NTM: variants seen among roughly 807,000 people sequenced by gnomAD.
NTM encodes the protein IgLON family member 2.
NTM carries 13 observed loss-of-function variants against 42.1 expected under a neutral mutation model. The ratio of observed to expected loss-of-function variants is 0.31; its 90% CI spans 0.20 to 0.49. NTM has a LOEUF of 0.49. Ranked by LOEUF, NTM falls within the 20% of genes least tolerant of loss-of-function variation. The pLI is 0.99. For missense variants in NTM, 373 were observed against 452.8 expected, an observed-to-expected ratio of 0.82 and a Z score of 1.60; for synonymous variants, 187 against 179.2, an observed-to-expected ratio of 1.04 and a Z score of -0.35.
chr11:131,385,820 C>T (rs920479800), intron 1 of NTM, among the ~76,000 whole-genome samples: 4 of 152,128 alleles, frequency 2.6e-5, no homozygotes, highest in Admixed American at 1.3e-4. Flanking sequence ...ATTGCACCAC[C>T]GCACTCCAGC....
intron 1 of NTM, among the ~76,000 whole-genome samples, chr11:131,487,156 C>T (rs1954265832): frequency 6.6e-6 from 1 of 152,164 alleles, no homozygotes; most frequent in Non-Finnish European, 1.5e-5. Flanking sequence ...TCCCTGGGCC[C>T]CTGGAAGCCT....
chr11:131,585,114 C>T (rs1227877388), intron 1 of NTM, among the ~76,000 whole-genome samples: 2 of 152,162 alleles, frequency 1.3e-5, no homozygotes, highest in Admixed American at 6.5e-5. Context: ...AGGAGGAAGA[C>T]GGGGAAGCAG....
At chr11:132,195,473 A>G (rs1248247730) in intron 3 of NTM, among the ~76,000 whole-genome samples, 1 of 145,998 alleles carries the variant, frequency 6.8e-6, no homozygotes, top group Non-Finnish European at 1.5e-5. Context: ...ATAGAACCAA[A>G]AAAAAAAAAG....
chr11:132,130,640 C>T (rs1404472096), intron 2 of NTM, among the ~76,000 whole-genome samples: 1 of 152,184 alleles, frequency 6.6e-6, no homozygotes, highest in Non-Finnish European at 1.5e-5. Context: ...ACACCACTTT[C>T]TAGTCTAATC....
At chr11:132,044,803 A>G (rs565682891) in intron 2 of NTM, among the ~76,000 whole-genome samples, 1 of 152,292 alleles carries the variant, frequency 6.6e-6, no homozygotes, top group African/African-American at 2.4e-5. Flanking sequence ...ATTCCTGGAC[A>G]CAGGCACCCT....
At chr11:131,945,475 GT>G (rs2060244445) in intron 2 of NTM, among the ~76,000 whole-genome samples, 1 of 152,172 alleles carries the variant, frequency 6.6e-6, no homozygotes, top group African/African-American at 2.4e-5. Flanking sequence ...GAGGTTAAAA[GT>G]TGAGGCGGGG....
chr11:131,653,830 A>T (rs543716899), intron 1 of NTM, among the ~76,000 whole-genome samples: 2 of 152,296 alleles, frequency 1.3e-5, no homozygotes, highest in South Asian at 2.1e-4. Flanking sequence ...TACATTGGTG[A>T]TAATTGGGCT....
intron 1 of NTM, among the ~76,000 whole-genome samples, chr11:131,597,529 A>G (rs1426248167): frequency 6.6e-6 from 1 of 152,160 alleles, no homozygotes; most frequent in Non-Finnish European, 1.5e-5. Flanking sequence ...CTACCCGGAC[A>G]TATCAAGGCC....
At chr11:131,569,334 C>A (rs528026050) in intron 1 of NTM, among the ~76,000 whole-genome samples, 2 of 150,308 alleles carry the variant, frequency 1.3e-5, no homozygotes, top group Non-Finnish European at 3.0e-5. Flanking sequence ...TTAGTAGAGA[C>A]AGGGTTTAAC....
intron 2 of NTM, among the ~76,000 whole-genome samples, chr11:132,048,718 A>C (rs2078377760): frequency 6.6e-6 from 1 of 152,168 alleles, no homozygotes; most frequent in South Asian, 2.1e-4. Flanking sequence ...CATCCTCAAA[A>C]CAGACAGACA....
intron 2 of NTM, among the ~76,000 whole-genome samples, chr11:131,915,355 T>C (rs935864892): frequency 1.3e-5 from 2 of 152,320 alleles, no homozygotes; most frequent in East Asian, 1.9e-4. Context: ...TCCAGTGTTA[T>C]CTCTCTGTCT....
intron 1 of NTM, among the ~76,000 whole-genome samples, chr11:131,737,851 G>A (rs2080679804): frequency 6.6e-6 from 1 of 152,014 alleles, no homozygotes; most frequent in African/African-American, 2.4e-5. Flanking sequence ...TGACACCGCG[G>A]GCCCCAGGTT....
chr11:131,774,131 A>G (rs1427121987), intron 1 of NTM: 1 of 984,982 alleles, frequency 1.0e-6, no homozygotes, highest in Non-Finnish European at 1.2e-6. Flanking sequence ...TCATCAGCGA[A>G]TTCTTCATAA....
At chr11:131,469,842 T>C (rs918847247) in intron 1 of NTM, among the ~76,000 whole-genome samples, 3 of 152,246 alleles carry the variant, frequency 2.0e-5, no homozygotes, top group African/African-American at 7.2e-5. Context: ...AAGCAGTCCA[T>C]GTTCATTATC....
chr11:132,038,529 G>T (rs2076783136), intron 2 of NTM, among the ~76,000 whole-genome samples: 1 of 151,948 alleles, frequency 6.6e-6, no homozygotes, highest in Admixed American at 6.5e-5. Flanking sequence ...CTGTAAAGAG[G>T]GGGTGAGATT....
At chr11:131,764,401 A>G (rs1285152152) in intron 1 of NTM, among the ~76,000 whole-genome samples, 1 of 152,134 alleles carries the variant, frequency 6.6e-6, no homozygotes, top group Non-Finnish European at 1.5e-5. Context: ...TAGACAGGAT[A>G]CCCTGTGTTG....
chr11:132,044,048 G>T (rs1362216067), intron 2 of NTM, among the ~76,000 whole-genome samples: 1 of 142,786 alleles, frequency 7.0e-6, no homozygotes, highest in South Asian at 2.2e-4. Flanking sequence ...ATGTGTATGG[G>T]TATGTGTGTA....
At chr11:132,064,202 ATTCT>A (rs921016029) in intron 2 of NTM, among the ~76,000 whole-genome samples, 1 of 152,208 alleles carries the variant, frequency 6.6e-6, no homozygotes, top group Non-Finnish European at 1.5e-5. Context: ...TCTGATAAAA[ATTCT>A]TTCTTTCTCT....
chr11:132,024,482 A>G (rs1172621904), intron 2 of NTM, among the ~76,000 whole-genome samples: 2 of 152,204 alleles, frequency 1.3e-5, no homozygotes, highest in African/African-American at 4.8e-5. Context: ...GGCTAATACA[A>G]TGCAAATGCT....
Sources: gnomAD v4.1 joint callset for allele counts (sites outside exome capture counted in the v4.1 genomes callset) on GRCh38, gnomAD v4.1.1 for gene constraint, MANE v1.5 for transcripts, NCBI Gene and HGNC (gene_info 2026-07-23, HGNC 2026-07-21) for gene names.